GNA14: variants seen among roughly 807,000 people sequenced by gnomAD.
GNA14 encodes guanine nucleotide-binding protein subunit alpha-14.
In GNA14, 50 loss-of-function variants were observed where a neutral mutation model predicts 42.0. That is an observed-to-expected ratio of 1.19 (90% confidence interval 0.95 to 1.51). The LOEUF is 1.51. Among genes scored for constraint, GNA14 ranks in the 40% most tolerant of loss-of-function variants. The probability of loss-of-function intolerance (pLI) is 0.00; values close to 1 mark genes in which losing one functional copy is unlikely to be tolerated. For synonymous variants in GNA14, 173 were observed against 163.1 expected, an observed-to-expected ratio of 1.06 and a Z score of -0.46; for missense variants, 473 against 446.2, an observed-to-expected ratio of 1.06 and a Z score of -0.54.
chr9:77,479,244 G>T (rs191283105), intron 2 of GNA14, among the ~76,000 whole-genome samples: 36 of 152,202 alleles, frequency 2.4e-4, no homozygotes, highest in East Asian at 7.7e-4. Flanking sequence ...TACATATGGC[G>T]AGCCAGTTTT....
chr9:77,478,538 T>C (rs1836478571), intron 2 of GNA14, among the ~76,000 whole-genome samples: 2 of 152,200 alleles, frequency 1.3e-5, no homozygotes, highest in Non-Finnish European at 2.9e-5. Context: ...TTTGGGTATA[T>C]ACCCAGTAAT....
rs148910949 is a variant in GNA14 at position 77,564,431 on chromosome 9, T to C, written c.125-35178A>G. Among the ~76,000 whole-genome samples, 48 of 152,196 alleles carry C rather than the reference T, an allele frequency of 3.2e-4. No homozygotes were observed. The East Asian group carries it at 3.5e-3, about 11-fold the overall frequency. On this transcript the variant is annotated intron_variant, in intron 1 of 6. Transcript: ENST00000341700. ...GAGGCACTGCCCAGGATGAGAACCA[T>C]TGATACCCAGAGACTACCAGGATGG...
intron 1 of GNA14, among the ~76,000 whole-genome samples, chr9:77,615,918 G>C (rs750143025): frequency 1.3e-5 from 2 of 151,896 alleles, no homozygotes; most frequent in Non-Finnish European, 2.9e-5. Flanking sequence ...CAAAGGGAAA[G>C]AGCAAGATTT....
chr9:77,511,054 CAAAA>C (rs11307052), intron 2 of GNA14, among the ~76,000 whole-genome samples: 3 of 137,780 alleles, frequency 2.2e-5, no homozygotes, highest in African/African-American at 7.8e-5. Flanking sequence ...TTTCCCATTC[CAAAA>C]AAAAAAAAAA....
intron 1 of GNA14, among the ~76,000 whole-genome samples, chr9:77,643,576 G>A (rs553146084): frequency 6.6e-6 from 1 of 152,168 alleles, no homozygotes; most frequent in Admixed American, 6.5e-5. Flanking sequence ...CACACTATTT[G>A]CACCATTTTC....
At chr9:77,638,805 G>A (rs1030141113) in intron 1 of GNA14, among the ~76,000 whole-genome samples, 1 of 152,216 alleles carries the variant, frequency 6.6e-6, no homozygotes, top group Admixed American at 6.5e-5. Context: ...GTGAATTGCA[G>A]CTTTGGATAG....
intron 1 of GNA14, among the ~76,000 whole-genome samples, chr9:77,592,980 G>A (rs56286926): frequency 2.6e-3 from 397 of 152,226 alleles, no homozygotes; most frequent in Non-Finnish European, 4.3e-3. Flanking sequence ...CCTGGGCTGG[G>A]CTGTTTCAAT....
In GNA14 at chr9:77,472,700, C is replaced by T. The variant is rs916444529; in HGVS notation, c.310-38178G>A. 2.4e-4 allele frequency among the ~76,000 whole-genome samples: 37 copies of T among 151,792 alleles called. 1 individual carries two copies. The highest frequency in any genetic ancestry group is 2.0e-3 in the Admixed American group (31 of 15,236). ...TGTGATGCTTTTGGAGGTAAGCCTT[C>T]GAGAGGCAGTTAGGTTTAGATGAAG... On this transcript the variant is annotated intron_variant, in intron 2 of 6. Coordinates refer to ENST00000341700, the MANE Select transcript of GNA14 (RefSeq NM_004297.4).
At chr9:77,498,858 C>CA (rs1836919347) in intron 2 of GNA14, among the ~76,000 whole-genome samples, 1 of 152,198 alleles carries the variant, frequency 6.6e-6, no homozygotes, top group Non-Finnish European at 1.5e-5. Flanking sequence ...ACCTACACCC[C>CA]AGGCAGTGGG....
chr9:77,490,692 G>C (rs1836756846), intron 2 of GNA14, among the ~76,000 whole-genome samples: 1 of 152,218 alleles, frequency 6.6e-6, no homozygotes, highest in Non-Finnish European at 1.5e-5. Flanking sequence ...GGCCTGCCAA[G>C]CCCACGCCCA....
intron 2 of GNA14, among the ~76,000 whole-genome samples, chr9:77,490,997 A>G (rs1225858113): frequency 6.6e-6 from 1 of 152,252 alleles, no homozygotes; most frequent in African/African-American, 2.4e-5. Flanking sequence ...ATAAAATATA[A>G]AGGAGCCACA....
chr9:77,586,852 A>C (rs897241670), intron 1 of GNA14, among the ~76,000 whole-genome samples: 1 of 151,894 alleles, frequency 6.6e-6, no homozygotes, highest in African/African-American at 2.4e-5. Flanking sequence ...GGAAGATGGA[A>C]CCTCCATGTT....
intron 1 of GNA14, among the ~76,000 whole-genome samples, chr9:77,630,822 G>A (rs1049283416): frequency 6.6e-6 from 1 of 152,128 alleles, no homozygotes; most frequent in Non-Finnish European, 1.5e-5. Flanking sequence ...AAACTCAGCA[G>A]CAGAGAAAAC....
rs1041880084 is a variant in GNA14 at position 77,648,240 on chromosome 9, G to A, written c.-447C>T. ...CCCAGGCGGGAGGTAGGCGCGGAGT[G>A]GGTTGGAGGCAAAGGACCTGGCTGG... On this transcript the variant is annotated 5_prime_UTR_variant, in exon 1 of 7. Transcript: ENST00000341700. The A allele has an allele frequency of 9.5e-6, 2 of 211,310 alleles. No homozygotes were observed. Among genetic ancestry groups the A allele is most frequent in the East Asian group, 1.8e-4 (1 of 5,696 alleles). The allele number at this position is 211,310 out of a possible 1,614,324, so 13.1% of individuals were successfully genotyped here.
At chr9:77,613,529 T>C (rs939070637) in intron 1 of GNA14, among the ~76,000 whole-genome samples, 1 of 152,208 alleles carries the variant, frequency 6.6e-6, no homozygotes, top group African/African-American at 2.4e-5. Flanking sequence ...ACAGCGTAGA[T>C]CTTAAGTGTG....
At chr9:77,567,604 C>T (rs746999106) in intron 1 of GNA14, among the ~76,000 whole-genome samples, 12 of 152,298 alleles carry the variant, frequency 7.9e-5, no homozygotes, top group South Asian at 2.1e-4. Context: ...TGGTGGCTCA[C>T]GCCTGTAATC....
intron 2 of GNA14, among the ~76,000 whole-genome samples, chr9:77,452,107 G>A (rs901803156): frequency 5.3e-5 from 8 of 152,132 alleles, no homozygotes; most frequent in Non-Finnish European, 1.0e-4. Flanking sequence ...TAAGAGGCTG[G>A]ACTGCTTGAT....
rs1335881277 is a variant in GNA14 at position 77,423,871 on chromosome 9, T to C, written c.*108A>G. Reference sequence around the variant, plus strand: ...GTCCCCACGATCTACATGACATCCTTAGTTCCTGGCATGGGGCTGGCTCTG... The same window carrying C: ...GTCCCCACGATCTACATGACATCCTCAGTTCCTGGCATGGGGCTGGCTCTG... On this transcript the variant is annotated 3_prime_UTR_variant, in exon 7 of 7. Transcript: ENST00000341700. 1.5e-6 allele frequency: 1 copy of C among 655,606 alleles called. No homozygotes were observed. The highest frequency in any genetic ancestry group is 2.6e-6 in the Non-Finnish European group (1 of 391,004). 40.6% of individuals were successfully genotyped at this position (655,606 alleles called of 1,614,324 possible).
In GNA14 at chr9:77,647,800, C is replaced by T; in HGVS notation, c.-7G>A. On this transcript the variant is annotated 5_prime_UTR_variant, in exon 1 of 7. Transcript: ENST00000341700. ...GGCAGCAGCAGCCGGCCATGGTGCG[C>T]TCAGCTCAGTACCCGACGGGGCGAC... 1 of 1,607,204 alleles carries T rather than the reference C, an allele frequency of 6.2e-7. No individual in the cohort carries two copies. Among genetic ancestry groups the T allele is most frequent in the Non-Finnish European group, 8.5e-7 (1 of 1,178,424 alleles).
Sources: gnomAD v4.1 joint callset for allele counts (sites outside exome capture counted in the v4.1 genomes callset) on GRCh38, gnomAD v4.1.1 for gene constraint, MANE v1.5 for transcripts, NCBI Gene and HGNC (gene_info 2026-07-23, HGNC 2026-07-21) for gene names.